Variants in CFAP92 observed in about 807,000 individuals in gnomAD.
CFAP92 encodes the protein uncharacterized protein CFAP92.
CFAP92 carries 86 observed loss-of-function variants against 106.3 expected under a neutral mutation model. The observed-to-expected ratio is 0.81, with a 90% CI of 0.68 to 0.97. The LOEUF (loss-of-function observed/expected upper bound fraction) is 0.97, where lower values mean the gene tolerates loss of function less well. Ranked by LOEUF, CFAP92 falls within the 50% of genes least tolerant of loss-of-function variation. The pLI is 0.00. For missense variants in CFAP92, 1,204 were observed against 1,283.8 expected (o/e 0.94, Z 0.95); for synonymous variants, 477 against 506.4 (o/e 0.94, Z 0.78).
rs1233530292 is a variant in CFAP92, at chr3:128,935,196, C to A, written c.2382G>T (p.Glu794Asp). Residue 794 changes from glutamate (E) to aspartate (D), a missense_variant, in exon 11 of 16, where the codon GAG becomes GAT. Coordinates refer to ENST00000645291, the MANE Select transcript of CFAP92 (RefSeq NM_001394090.1). ...LYHVHLFQPT[E>D]LLLQQAVFFL... ...AGAACACCGCCTGCTGCAGCAGCAGCTCCGTGGGCTGGAAGAGGTGCACGT... is the reference window on the plus strand; with the variant it reads ...AGAACACCGCCTGCTGCAGCAGCAGATCCGTGGGCTGGAAGAGGTGCACGT... The A allele has an allele frequency of 3.3e-6, 5 of 1,536,002 alleles. No individual in the cohort carries two copies. In the East Asian group the frequency reaches 1.2e-4, roughly 38 times the overall value.
chr3:129,011,177 AC>A, the CFAP92 span, among the ~76,000 whole-genome samples: 1 of 152,212 alleles, frequency 6.6e-6, no homozygotes, highest in African/African-American at 2.4e-5. Context: ...TGATAATAAT[AC>A]CCACTTCATG....
At chr3:128,950,549 T>C (rs1273865148) in intron 9 of CFAP92, among the ~76,000 whole-genome samples, 1 of 152,154 alleles carries the variant, frequency 6.6e-6, no homozygotes, top group African/African-American at 2.4e-5. Flanking sequence ...AGTTCAGTGA[T>C]TCGCTAGGAG....
chr3:129,009,211 T>A, the CFAP92 span, among the ~76,000 whole-genome samples: 10 of 152,100 alleles, frequency 6.6e-5, no homozygotes, highest in African/African-American at 2.2e-4. Context: ...ATCATCCAGG[T>A]CTCCTGGGTG....
At chr3:128,944,162 T>C (rs1179280409) in intron 10 of CFAP92, among the ~76,000 whole-genome samples, 1 of 151,746 alleles carries the variant, frequency 6.6e-6, no homozygotes, top group East Asian at 1.9e-4. Context: ...ACTCCTGGGC[T>C]CAAGTGATTC....
intron 7 of CFAP92, among the ~76,000 whole-genome samples, chr3:128,973,872 C>T (rs987436129): frequency 6.6e-6 from 1 of 152,178 alleles, no homozygotes; most frequent in African/African-American, 2.4e-5. Flanking sequence ...GCATGCAGGA[C>T]GGTCCACCCA....
chr3:128,979,769 G>A (rs530218137), intron 4 of CFAP92, among the ~76,000 whole-genome samples: 2 of 151,706 alleles, frequency 1.3e-5, no homozygotes, highest in Admixed American at 1.3e-4. Context: ...GACCCAAGAA[G>A]GGGAACATCA....
At chr3:128,913,276 A>G (rs531670738) in intron 15 of CFAP92, among the ~76,000 whole-genome samples, 1 of 152,314 alleles carries the variant, frequency 6.6e-6, no homozygotes, top group East Asian at 1.9e-4. Flanking sequence ...GCAGGCCACA[A>G]TCCCTTGGGG....
intron 2 of CFAP92, among the ~76,000 whole-genome samples, chr3:128,990,884 A>G (rs778696445): frequency 6.6e-6 from 1 of 152,332 alleles, no homozygotes; most frequent in Non-Finnish European, 1.5e-5. Context: ...GCAACAGAGC[A>G]AGACTCCGTC....
intron 3 of CFAP92, among the ~76,000 whole-genome samples, chr3:128,988,512 C>A (rs1944003491): frequency 6.6e-6 from 1 of 151,940 alleles, no homozygotes; most frequent in African/African-American, 2.4e-5. Context: ...TCTACTCCAG[C>A]CTGGGCAACA....
intron 9 of CFAP92, among the ~76,000 whole-genome samples, chr3:128,950,155 C>T (rs141203843): frequency 1.3e-5 from 2 of 152,326 alleles, no homozygotes; most frequent in East Asian, 3.9e-4. Flanking sequence ...TGACCAAATG[C>T]TCACTGCTTA....
chr3:129,018,445 A>G, the CFAP92 span, among the ~76,000 whole-genome samples: 2 of 152,256 alleles, frequency 1.3e-5, no homozygotes, highest in Non-Finnish European at 2.9e-5. Flanking sequence ...TCGATGAATA[A>G]AGTTTTATTG....
Position 128,959,546 on chromosome 3 carries a change from G to A in CFAP92, c.1353+5965C>T, listed in dbSNP as rs190610998. Among the ~76,000 whole-genome samples the A allele has an allele frequency of 2.0e-5, 3 of 152,300 alleles. No homozygotes were observed. In the East Asian group the frequency reaches 5.8e-4, roughly 29 times the overall value. ...CAGCAAATAAAGGGAGAGAATTCAG[G>A]AGACAGGGATCCAACCAGAAGAGGG... On this transcript the variant is annotated intron_variant, in intron 9 of 15. Coordinates refer to ENST00000645291, the MANE Select transcript of CFAP92 (RefSeq NM_001394090.1).
chr3:129,021,622 A>ACTC, the CFAP92 span, among the ~76,000 whole-genome samples: 9,419 of 152,220 alleles, frequency 0.062, 781 homozygotes, highest in African/African-American at 0.19. Flanking sequence ...TTATGCTTGT[A>ACTC]CTGTGAGTCT....
chr3:128,957,364 T>C (rs1033971796), intron 9 of CFAP92, among the ~76,000 whole-genome samples: 3 of 152,150 alleles, frequency 2.0e-5, no homozygotes, highest in African/African-American at 7.2e-5. Context: ...TAAAGGGGTA[T>C]GGAGGGAGGT....
chr3:128,939,311 G>C (rs1939385686), intron 10 of CFAP92, among the ~76,000 whole-genome samples: 1 of 151,956 alleles, frequency 6.6e-6, no homozygotes, highest in Non-Finnish European at 1.5e-5. Flanking sequence ...GCTAACTTTT[G>C]TATTTTTAGT....
chr3:128,933,476 T>A (rs188070903), intron 11 of CFAP92, among the ~76,000 whole-genome samples: 1 of 152,334 alleles, frequency 6.6e-6, no homozygotes, highest in East Asian at 1.9e-4. Context: ...GGGTGCCCTC[T>A]GCCATGGCCT....
chr3:129,016,779 G>C, the CFAP92 span, among the ~76,000 whole-genome samples: 2 of 152,126 alleles, frequency 1.3e-5, no homozygotes, highest in East Asian at 3.9e-4. Flanking sequence ...ACATTTTTGA[G>C]CACTCACTGG....
intron 9 of CFAP92, among the ~76,000 whole-genome samples, chr3:128,960,580 C>G (rs1941819941): frequency 6.6e-6 from 1 of 152,250 alleles, no homozygotes; most frequent in East Asian, 1.9e-4. Flanking sequence ...CGGTCACGGA[C>G]TGGGAAGGCA....
In CFAP92 at chr3:128,993,283, A is replaced by T. The variant is rs1306031953; in HGVS notation, c.22T>A (p.Trp8Arg). Reference protein sequence around the residue: MSLHAWEWEEDPASIEPI... With the variant: MSLHAWEREEDPASIEPI... ...TCTATGCTTGCGGGGTCCTCTTCCC[A>T]CTCCCAGGCATGTAGCGACATGCTG... Residue 8 changes from tryptophan to arginine, a missense_variant, in exon 2 of 16, where the codon TGG becomes AGG. Trp to Arg is a moderately radical substitution (Grantham distance 101). Transcript: ENST00000645291. The T allele has an allele frequency of 6.2e-7, 1 of 1,613,110 alleles. No individual in the cohort carries two copies. Among genetic ancestry groups the T allele is most frequent in the East Asian group, 2.2e-5 (1 of 44,838 alleles).
Sources: gnomAD v4.1 joint callset for allele counts (sites outside exome capture counted in the v4.1 genomes callset) on GRCh38, gnomAD v4.1.1 for gene constraint, MANE v1.5 for transcripts, NCBI Gene and HGNC (gene_info 2026-07-23, HGNC 2026-07-21) for gene names.